Variants in RTTN observed in about 807,000 individuals in gnomAD.
The protein encoded by RTTN is rotatin.
In RTTN, 182 loss-of-function variants were observed where a neutral mutation model predicts 269.2. That is an observed-to-expected ratio of 0.68 (90% confidence interval 0.60 to 0.76). RTTN has a LOEUF of 0.76. Ranked by LOEUF, RTTN falls within the 30% of genes least tolerant of loss-of-function variation. The probability of loss-of-function intolerance (pLI) is 0.00; values close to 1 mark genes in which losing one functional copy is unlikely to be tolerated. For synonymous variants in RTTN, 1,006 were observed against 963.5 expected (o/e 1.04, Z -0.82); for missense variants, 2,545 against 2,608.6 (o/e 0.98, Z 0.53).
intron 19 of RTTN, 59 bp downstream of exon 19, chr18:70,142,229 T>G: frequency 1.8e-6 from 2 of 1,129,064 alleles, no homozygotes; most frequent in South Asian, 2.5e-5. Flanking sequence ...CAGTACCATA[T>G]GGCAATCTAA....
At chr18:70,190,143 A>G (rs1490936425) in intron 9 of RTTN, among the ~76,000 whole-genome samples, 1 of 152,170 alleles carries the variant, frequency 6.6e-6, no homozygotes, top group Non-Finnish European at 1.5e-5. Context: ...TGGTCTATTC[A>G]TGCCAGTCCA....
intron 34 of RTTN, 112 bp downstream of exon 34, chr18:70,073,794 A>G: frequency 1.4e-6 from 1 of 717,298 alleles, no homozygotes; most frequent in Non-Finnish European, 2.4e-6. Context: ...AGCACTTCGA[A>G]TAAATCATAG....
At chr18:70,033,275 G>C (rs2057072651) in intron 40 of RTTN, among the ~76,000 whole-genome samples, 1 of 152,160 alleles carries the variant, frequency 6.6e-6, no homozygotes, top group African/African-American at 2.4e-5. Context: ...TACAGCCTGT[G>C]GAACCATGAG....
intron 45 of RTTN, 126 bp from the exon 46 acceptor site, chr18:70,017,800 G>T: frequency 1.4e-6 from 1 of 720,042 alleles, no homozygotes; most frequent in Non-Finnish European, 2.2e-6. Flanking sequence ...CTTTCTAATA[G>T]CTTCTGAATA....
intron 28 of RTTN, among the ~76,000 whole-genome samples, chr18:70,095,037 A>T (rs1599507745): frequency 1.4e-5 from 2 of 144,046 alleles, no homozygotes. Flanking sequence ...TGCTGCATTG[A>T]TCCCTTTATC....
At chr18:70,060,148 G>T in intron 35 of RTTN, 106 bp from the exon 36 acceptor site, 1 of 1,048,736 alleles carries the variant, frequency 9.5e-7, no homozygotes, top group Non-Finnish European at 1.3e-6. Context: ...ATAATGTATA[G>T]TTGGGGAATT....
Position 70,115,082 on chromosome 18 carries a change from T to C in RTTN, c.3529-483A>G, listed in dbSNP as rs145641004. 4.0e-3 allele frequency among the ~76,000 whole-genome samples: 610 copies of C among 152,182 alleles called. 4 individuals are homozygous for C. Among genetic ancestry groups the C allele is most frequent in the Non-Finnish European group, 6.5e-3 (440 of 67,922 alleles). On this transcript the variant is annotated intron_variant, in intron 26 of 48. Coordinates refer to ENST00000640769, the MANE Select transcript of RTTN (RefSeq NM_173630.4). Reference sequence around the variant, plus strand: ...ATTTACCACACTAACTCCTGGATAATCAATGATGCATAATTTCACTAAGCT... The same window carrying C: ...ATTTACCACACTAACTCCTGGATAACCAATGATGCATAATTTCACTAAGCT...
At chr18:70,120,216 G>A (rs1364352540) in intron 26 of RTTN, among the ~76,000 whole-genome samples, 4 of 46,962 alleles carry the variant, frequency 8.5e-5, no homozygotes, top group Non-Finnish European at 2.1e-4. Flanking sequence ...GCATCACCTC[G>A]GGACTCTTCA....
intron 28 of RTTN, among the ~76,000 whole-genome samples, chr18:70,099,432 T>G (rs2059096532): frequency 2.6e-5 from 4 of 152,182 alleles, no homozygotes; most frequent in Non-Finnish European, 5.9e-5. Flanking sequence ...ATGGAGTTGT[T>G]TTTTTCTTGC....
At chr18:70,093,792 G>T (rs189994634) in intron 28 of RTTN, among the ~76,000 whole-genome samples, 1 of 152,086 alleles carries the variant, frequency 6.6e-6, no homozygotes, top group Non-Finnish European at 1.5e-5. Flanking sequence ...CCAGATTTTG[G>T]TATCAGGATG....
intron 10 of RTTN, among the ~76,000 whole-genome samples, chr18:70,178,881 T>C (rs938070934): frequency 1.3e-5 from 2 of 152,040 alleles, no homozygotes; most frequent in Non-Finnish European, 2.9e-5. Context: ...GTCTGTGATC[T>C]GAATAAAACA....
At chr18:70,143,366 T>C (rs952721374) in intron 18 of RTTN, among the ~76,000 whole-genome samples, 5 of 152,132 alleles carry the variant, frequency 3.3e-5, no homozygotes, top group African/African-American at 7.2e-5. Flanking sequence ...CAATGGCAGA[T>C]TGGATAAAGA....
intron 10 of RTTN, among the ~76,000 whole-genome samples, chr18:70,184,825 G>A (rs1351629579): frequency 6.8e-6 from 1 of 147,990 alleles, no homozygotes; most frequent in Non-Finnish European, 1.5e-5. Context: ...AACCTGGGAG[G>A]TGGAGCTTAC....
intron 35 of RTTN, chr18:70,061,392 G>A (rs1474607069): frequency 6.6e-6 from 3 of 456,222 alleles, no homozygotes; most frequent in Non-Finnish European, 1.3e-5. Context: ...GTTCCAAAGT[G>A]TCGATTCCCT....
chr18:70,103,787 T>TA (rs1163226759), intron 28 of RTTN, among the ~76,000 whole-genome samples: 41 of 137,082 alleles, frequency 3.0e-4, no homozygotes, highest in South Asian at 7.3e-4. Flanking sequence ...AAGCAAATCA[T>TA]AAAAAAAAAA....
intron 4 of RTTN, among the ~76,000 whole-genome samples, chr18:70,201,368 C>T (rs954112429): frequency 6.6e-6 from 1 of 151,720 alleles, no homozygotes; most frequent in East Asian, 1.9e-4. Flanking sequence ...TTTGGGAGGC[C>T]GAGGCGGGCG....
At chr18:70,195,877 A>T (rs188339991) in intron 7 of RTTN, among the ~76,000 whole-genome samples, 1 of 152,330 alleles carries the variant, frequency 6.6e-6, no homozygotes, top group Admixed American at 6.5e-5. Flanking sequence ...GTAGCACAGG[A>T]TCAGTGAAAC....
At position 70,176,184 on chromosome 18, in the gene RTTN, CGTAGATGTAGAT is replaced by C. The variant is rs149336764; in HGVS notation, c.1476+479_1476+490del. On this transcript the variant is annotated intron_variant, in intron 11 of 48. Transcript: ENST00000640769. ...ATATACATGTATATGTATATGTATA[CGTAGATGTAGAT>C]GTAGATGTATATGTATATGTATATG... Among the ~76,000 whole-genome samples the C allele has an allele frequency of 2.3e-3, 332 of 145,520 alleles. 2 individuals are homozygous for C. Among genetic ancestry groups the C allele is most frequent in the South Asian group, 0.015 (65 of 4,466 alleles).
chr18:70,008,277 A>G (rs763984557), intron 46 of RTTN: 3 of 152,226 alleles, frequency 2.0e-5, no homozygotes, highest in Admixed American at 6.5e-5. Flanking sequence ...CCAAAGGTAG[A>G]TAAATCCACG....
Sources: gnomAD v4.1 joint callset for allele counts (sites outside exome capture counted in the v4.1 genomes callset) on GRCh38, gnomAD v4.1.1 for gene constraint, MANE v1.5 for transcripts, NCBI Gene and HGNC (gene_info 2026-07-23, HGNC 2026-07-21) for gene names.